Variants in GRIA2 observed in about 807,000 individuals in gnomAD.
GRIA2 encodes the protein glutamate ionotropic receptor AMPA type subunit 2, also known as glutamate receptor 2.
A neutral mutation model predicts 97.3 loss-of-function variants in GRIA2; 14 were observed. That is an observed-to-expected ratio of 0.14 (90% CI 0.10 to 0.23). GRIA2 has a LOEUF of 0.23. Ranked by LOEUF, GRIA2 falls within the 10% of genes least tolerant of loss-of-function variation. The pLI is 1.00. For synonymous variants in GRIA2, 412 were observed against 387.8 expected (o/e 1.06, Z -0.73); for missense variants, 558 against 1,069.8 (o/e 0.52, Z 6.67).
chr4:157,364,885 T>C lies in GRIA2; in HGVS notation c.*1454T>C, dbSNP rs1050360021. On this transcript the variant is annotated 3_prime_UTR_variant, in exon 16 of 16. Coordinates refer to ENST00000264426, the MANE Select transcript of GRIA2 (RefSeq NM_001083619.3). The stretch of plus-strand genomic sequence containing the variant: ...TTTAATATGCCCAGTGTGGATAAAA[T>C]GTCACATTTCTGTAACTTTTGACTA... 4 of 151,712 alleles carry C rather than the reference T, an allele frequency of 2.6e-5. No individual in the cohort carries two copies. Among genetic ancestry groups the C allele is most frequent in the African/African-American group, 9.7e-5 (4 of 41,388 alleles). 9.4% of individuals were successfully genotyped at this position (151,712 alleles called of 1,614,324 possible). A position where few individuals can be genotyped will look rare whatever the true frequency, so the allele number is the denominator to read the frequency against.
At chr4:157,229,086 T>C (rs1729885582) in intron 2 of GRIA2, among the ~76,000 whole-genome samples, 1 of 152,170 alleles carries the variant, frequency 6.6e-6, no homozygotes, top group Admixed American at 6.5e-5. Flanking sequence ...ATGTACAGAA[T>C]CACAAAAGTA....
intron 2 of GRIA2, among the ~76,000 whole-genome samples, chr4:157,277,383 C>T (rs1191327928): frequency 6.6e-6 from 1 of 151,830 alleles, no homozygotes; most frequent in Non-Finnish European, 1.5e-5. Flanking sequence ...GAAACATCCT[C>T]AGTGGATAAA....
chr4:157,296,528 T>A (rs1733356456), intron 2 of GRIA2, among the ~76,000 whole-genome samples: 1 of 152,168 alleles, frequency 6.6e-6, no homozygotes, highest in Admixed American at 6.6e-5. Context: ...AATTTATAAT[T>A]TTTTCCAGTA....
chr4:157,259,854 C>A (rs1391151306), intron 2 of GRIA2, among the ~76,000 whole-genome samples: 3 of 152,092 alleles, frequency 2.0e-5, no homozygotes, highest in African/African-American at 7.2e-5. Context: ...TCTGTACTTT[C>A]TTTTATGATA....
chr4:157,225,842 A>G (rs1328353685), intron 2 of GRIA2, among the ~76,000 whole-genome samples: 1 of 151,914 alleles, frequency 6.6e-6, no homozygotes, highest in African/African-American at 2.4e-5. Flanking sequence ...TCATATTAAT[A>G]TATATATACA....
Position 157,341,255 on chromosome 4 carries a change from T to G in GRIA2, c.1845-9T>G. On this transcript the variant is annotated splice_polypyrimidine_tract_variant and intron_variant, in intron 11 of 15. Coordinates refer to ENST00000264426, the MANE Select transcript of GRIA2 (RefSeq NM_001083619.3). ...TCACTTTACAAATCCATTTCATACT[T>G]GTTATTAGATCCCTCTCTGGGCGCA... 1 of 1,593,490 alleles carries G rather than the reference T, an allele frequency of 6.3e-7. No homozygotes were observed. The highest frequency in any genetic ancestry group is 8.6e-7 in the Non-Finnish European group (1 of 1,161,594).
In GRIA2 at chr4:157,220,867, G is replaced by A. The variant is rs901099317; in HGVS notation, c.-176G>A. 7 of 602,292 alleles carry A rather than the reference G, an allele frequency of 1.2e-5. No homozygotes were observed. Among genetic ancestry groups the A allele is most frequent in the East Asian group, 2.8e-5 (1 of 35,514 alleles). The allele number at this position is 602,292 out of a possible 1,614,324, so 37.3% of individuals were successfully genotyped here. ...GGGCGCAGGGCATCAGCAGCCACCA[G>A]CAGGACCTGGGAAATAGGGATTCTT... On this transcript the variant is annotated 5_prime_UTR_variant, in exon 1 of 16. Transcript: ENST00000264426.
In GRIA2 at chr4:157,228,267, A is replaced by G. The variant is rs192982555; in HGVS notation, c.229+6460A>G. Among the ~76,000 whole-genome samples the G allele has an allele frequency of 5.9e-5, 9 of 152,256 alleles. No individual in the cohort carries two copies. The East Asian group carries it at 1.5e-3, about 26-fold the overall frequency. On this transcript the variant is annotated intron_variant, in intron 2 of 15. Coordinates refer to ENST00000264426, the MANE Select transcript of GRIA2 (RefSeq NM_001083619.3). ...ATAATTTTTAAAGTTAGAATTTTGTATTTGCTATACATATGGATTTCAGAA... is the reference window on the plus strand; with the variant it reads ...ATAATTTTTAAAGTTAGAATTTTGTGTTTGCTATACATATGGATTTCAGAA...
intron 5 of GRIA2, among the ~76,000 whole-genome samples, chr4:157,319,633 A>G (rs1163220115): frequency 6.6e-6 from 1 of 152,178 alleles, no homozygotes; most frequent in African/African-American, 2.4e-5. Context: ...TTCAAAATTA[A>G]ACAATGCCAC....
chr4:157,338,498 C>T (rs1413844929), intron 11 of GRIA2, among the ~76,000 whole-genome samples: 1 of 151,990 alleles, frequency 6.6e-6, no homozygotes, highest in East Asian at 1.9e-4. Context: ...CAAGGCATAT[C>T]AGCAATCTGT....
At chr4:157,261,738 C>A (rs1403788731) in intron 2 of GRIA2, among the ~76,000 whole-genome samples, 1 of 152,080 alleles carries the variant, frequency 6.6e-6, no homozygotes, top group Non-Finnish European at 1.5e-5. Context: ...TGCTTATTAT[C>A]TTTGGGTATT....
At chr4:157,276,405 A>G (rs1732315515) in intron 2 of GRIA2, among the ~76,000 whole-genome samples, 2 of 152,094 alleles carry the variant, frequency 1.3e-5, no homozygotes, top group Admixed American at 6.6e-5. Flanking sequence ...AATTTATAAC[A>G]TTGAATACAC....
chr4:157,306,403 T>G (rs992552444), intron 3 of GRIA2, among the ~76,000 whole-genome samples: 2 of 152,166 alleles, frequency 1.3e-5, no homozygotes, highest in African/African-American at 4.8e-5. Context: ...CTTAGAAATA[T>G]TAAATGAAAT....
intron 2 of GRIA2, among the ~76,000 whole-genome samples, chr4:157,234,073 A>G (rs1449296072): frequency 6.6e-6 from 1 of 152,152 alleles, no homozygotes; most frequent in Non-Finnish European, 1.5e-5. Context: ...TACTAGTTCT[A>G]TGACTTTGTA....
intron 11 of GRIA2, among the ~76,000 whole-genome samples, chr4:157,340,737 T>C (rs1410199953): frequency 6.6e-6 from 1 of 152,056 alleles, no homozygotes; most frequent in Non-Finnish European, 1.5e-5. Context: ...CTAATACCTA[T>C]GTTTTACATA....
At chr4:157,276,972 C>T (rs1260072836) in intron 2 of GRIA2, among the ~76,000 whole-genome samples, 1 of 151,814 alleles carries the variant, frequency 6.6e-6, no homozygotes, top group African/African-American at 2.4e-5. Flanking sequence ...CTGGTGAATT[C>T]TACCAAATAT....
rs142890080 is a variant in GRIA2 at position 157,291,971 on chromosome 4, G to T, written c.230-11581G>T. Among the ~76,000 whole-genome samples the T allele has an allele frequency of 6.0e-4, 91 of 151,962 alleles. No homozygotes were observed. In the East Asian group the frequency reaches 0.011, roughly 18 times the overall value. On this transcript the variant is annotated intron_variant, in intron 2 of 15. Transcript: ENST00000264426. Reference sequence around the variant, plus strand: ...TATAAGAAAGATATAAAATATCTAGGGATAAATCTAATAAAATGTTTGAAA... The same window carrying T: ...TATAAGAAAGATATAAAATATCTAGTGATAAATCTAATAAAATGTTTGAAA...
chr4:157,336,201 G>A (rs1459573681), intron 10 of GRIA2, among the ~76,000 whole-genome samples, 176 bp from the exon 11 acceptor site: 2 of 152,130 alleles, frequency 1.3e-5, no homozygotes, highest in Admixed American at 6.6e-5. Context: ...TCATAAAGAG[G>A]AGGGGCATTC....
intron 3 of GRIA2, among the ~76,000 whole-genome samples, chr4:157,311,249 G>C (rs1329800642): frequency 6.6e-6 from 1 of 151,996 alleles, no homozygotes; most frequent in Non-Finnish European, 1.5e-5. Context: ...ATCTACCAAA[G>C]TCAAGCACGT....
Sources: allele counts gnomAD v4.1 joint callset (sites outside exome capture counted in the v4.1 genomes callset), GRCh38; gene constraint gnomAD v4.1.1; transcripts MANE v1.5; gene names NCBI Gene and HGNC (gene_info 2026-07-23, HGNC 2026-07-21).